Variants in LHFPL6 observed in about 807,000 individuals in gnomAD.
LHFPL6 encodes LHFPL tetraspan subfamily member 6.
LHFPL6 carries 9 observed loss-of-function variants against 20.6 expected under a neutral mutation model. That is an observed-to-expected ratio of 0.44 (90% confidence interval 0.26 to 0.76). The LOEUF (loss-of-function observed/expected upper bound fraction) is 0.76, where lower values mean the gene tolerates loss of function less well. LHFPL6 is among the 30% of genes least tolerant of loss of function. LHFPL6 has a pLI of 0.20. For synonymous variants in LHFPL6, 105 were observed against 98.7 expected (o/e 1.06, Z -0.38); for missense variants, 218 against 253.5 (o/e 0.86, Z 0.95).
intron 2 of LHFPL6, among the ~76,000 whole-genome samples, chr13:39,434,072 A>G (rs1871887413): frequency 6.6e-6 from 1 of 152,088 alleles, no homozygotes; most frequent in African/African-American, 2.4e-5. Flanking sequence ...CACATCTACC[A>G]ATGGATTCTT....
chr13:39,351,692 T>C (rs1298798102), intron 3 of LHFPL6, among the ~76,000 whole-genome samples: 3 of 152,186 alleles, frequency 2.0e-5, no homozygotes, highest in Admixed American at 1.3e-4. Flanking sequence ...CAGACAAGAT[T>C]GAAAACCTAA....
At chr13:39,576,580 C>G (rs1007374078) in intron 2 of LHFPL6, among the ~76,000 whole-genome samples, 6 of 152,182 alleles carry the variant, frequency 3.9e-5, no homozygotes, top group Non-Finnish European at 4.4e-5. Context: ...TTCATGATTT[C>G]TGACCCGTGC....
intron 2 of LHFPL6, among the ~76,000 whole-genome samples, chr13:39,457,601 A>T (rs1310740509): frequency 6.6e-6 from 1 of 152,216 alleles, no homozygotes; most frequent in Non-Finnish European, 1.5e-5. Flanking sequence ...TACATTTACC[A>T]TATGACTCTG....
intron 2 of LHFPL6, among the ~76,000 whole-genome samples, chr13:39,520,571 T>C (rs1022185056): frequency 2.6e-5 from 4 of 152,210 alleles, no homozygotes; most frequent in African/African-American, 9.7e-5. Context: ...AGTTGTGGAA[T>C]TGGCCACAGG....
chr13:39,430,032 G>A (rs1871746400), intron 2 of LHFPL6, among the ~76,000 whole-genome samples: 1 of 152,122 alleles, frequency 6.6e-6, no homozygotes, highest in Admixed American at 6.5e-5. Flanking sequence ...ACTTAATAAT[G>A]CCGTAGGGCT....
intron 2 of LHFPL6, among the ~76,000 whole-genome samples, chr13:39,406,272 C>T (rs904504325): frequency 6.6e-6 from 1 of 152,062 alleles, no homozygotes; most frequent in Non-Finnish European, 1.5e-5. Context: ...ACTTTTTGTG[C>T]ACAGGTAAGA....
At chr13:39,367,060 G>A (rs944926693) in intron 3 of LHFPL6, among the ~76,000 whole-genome samples, 5 of 152,162 alleles carry the variant, frequency 3.3e-5, no homozygotes, top group East Asian at 1.9e-4. Flanking sequence ...CTCCAACAGC[G>A]GCACTAATGA....
intron 2 of LHFPL6, among the ~76,000 whole-genome samples, chr13:39,506,506 GA>G (rs1869489157): frequency 1.3e-5 from 2 of 152,228 alleles, no homozygotes; most frequent in South Asian, 4.1e-4. Context: ...CTAGGATGAT[GA>G]TCCACAGTGA....
chr13:39,406,790 AATTTT>A (rs1871122107), intron 2 of LHFPL6, among the ~76,000 whole-genome samples: 2 of 151,728 alleles, frequency 1.3e-5, no homozygotes, highest in South Asian at 4.1e-4. Context: ...CTGTACATTT[AATTTT>A]AAGTCTTATA....
At chr13:39,399,487 T>C (rs190587302) in intron 2 of LHFPL6, among the ~76,000 whole-genome samples, 1 of 152,192 alleles carries the variant, frequency 6.6e-6, no homozygotes, top group South Asian at 2.1e-4. Context: ...GAACAAGCTC[T>C]TTCTAAACTC....
intron 2 of LHFPL6, among the ~76,000 whole-genome samples, chr13:39,437,987 G>T (rs930828182): frequency 1.3e-5 from 2 of 152,140 alleles, no homozygotes; most frequent in African/African-American, 4.8e-5. Context: ...ATGTGGAACT[G>T]GGAAACAGGT....
chr13:39,482,609 CAG>C (rs1438084044), intron 2 of LHFPL6, among the ~76,000 whole-genome samples: 1 of 152,066 alleles, frequency 6.6e-6, no homozygotes, highest in East Asian at 1.9e-4. Flanking sequence ...TCAAATGCTG[CAG>C]AGAGATATAG....
intron 2 of LHFPL6, among the ~76,000 whole-genome samples, chr13:39,507,837 A>T (rs961622249): frequency 1.3e-5 from 2 of 151,968 alleles, no homozygotes; most frequent in Non-Finnish European, 2.9e-5. Context: ...AGTAAATGAT[A>T]AATCCAAGAT....
intron 3 of LHFPL6, among the ~76,000 whole-genome samples, chr13:39,360,394 T>C (rs113759959): frequency 0.11 from 10,709 of 97,142 alleles, 3,846 homozygotes; most frequent in Non-Finnish European, 0.13. Context: ...GAAGATAAAA[T>C]GCAGATGTGT....
At chr13:39,578,401 A>C (rs1872182662) in intron 2 of LHFPL6, among the ~76,000 whole-genome samples, 1 of 152,218 alleles carries the variant, frequency 6.6e-6, no homozygotes, top group Admixed American at 6.5e-5. Context: ...CGTCTTTTGA[A>C]ATTAACTTGA....
At position 39,352,898 on chromosome 13, in the gene LHFPL6, T is replaced by C. The variant is rs1488072629; in HGVS notation, c.485-8844A>G. 2.9e-3 allele frequency among the ~76,000 whole-genome samples: 97 copies of C among 33,588 alleles called. 1 individual carries two copies. The highest frequency in any genetic ancestry group is 5.8e-3 in the African/African-American group (62 of 10,704). The allele number at this position is 33,588 out of a possible 152,430, so 22.0% of individuals were successfully genotyped here. On this transcript the variant is annotated intron_variant, in intron 3 of 3. Coordinates refer to ENST00000379589, the MANE Select transcript of LHFPL6 (RefSeq NM_005780.3). ...ATATATAAATGTATATATATGTGTATATATATATAAATGTATATATATATA... is the reference window on the plus strand; with the variant it reads ...ATATATAAATGTATATATATGTGTACATATATATAAATGTATATATATATA...
chr13:39,484,564 AC>A (rs1263463935), intron 2 of LHFPL6, among the ~76,000 whole-genome samples: 1 of 151,366 alleles, frequency 6.6e-6, no homozygotes, highest in Non-Finnish European at 1.5e-5. Context: ...CTTTTTATCT[AC>A]CCTCCTTTAT....
chr13:39,481,546 T>C (rs558370449), intron 2 of LHFPL6, among the ~76,000 whole-genome samples: 2 of 152,288 alleles, frequency 1.3e-5, no homozygotes, highest in African/African-American at 4.8e-5. Flanking sequence ...TGAGCAAAGA[T>C]ATCTGGGATG....
intron 2 of LHFPL6, among the ~76,000 whole-genome samples, chr13:39,537,091 T>C (rs911795466): frequency 6.6e-6 from 1 of 152,212 alleles, no homozygotes; most frequent in Non-Finnish European, 1.5e-5. Context: ...TCAAGCCTTG[T>C]GGGAATTTTT....
Sources: allele counts gnomAD v4.1 joint callset (sites outside exome capture counted in the v4.1 genomes callset), GRCh38; gene constraint gnomAD v4.1.1; transcripts MANE v1.5; gene names NCBI Gene and HGNC (gene_info 2026-07-23, HGNC 2026-07-21).